The following UACA variants were observed in gnomAD, a reference collection of about 807,000 sequenced individuals.
UACA encodes nuclear membrane binding protein.
In UACA, 112 loss-of-function variants were observed where a neutral mutation model predicts 160.5. That is an observed-to-expected ratio of 0.70 (90% CI 0.60 to 0.82). The LOEUF (loss-of-function observed/expected upper bound fraction) is 0.82. Among genes scored for constraint, UACA ranks in the 40% least tolerant of loss-of-function variants. The probability of loss-of-function intolerance (pLI) is 0.00; values close to 1 mark genes in which losing one functional copy is unlikely to be tolerated. For synonymous variants in UACA, 557 were observed against 568.4 expected (o/e 0.98, Z 0.29); for missense variants, 1,574 against 1,614.6 (o/e 0.97, Z 0.43).
rs1352070146 is a variant in UACA, at chr15:70,763,548, CA to C, written c.-142del. ...CCTGCCACCTGCGGGCCCCGGGCAG[CA>C]GACGTCGACAGGCCTGAGGCGGGGC... On this transcript the variant is annotated 5_prime_UTR_variant, in exon 1 of 19. Coordinates refer to ENST00000322954, the MANE Select transcript of UACA (RefSeq NM_018003.4). The C allele has an allele frequency of 1.6e-6, 2 of 1,242,896 alleles. No individual in the cohort carries two copies. The highest frequency in any genetic ancestry group is 2.0e-6 in the Non-Finnish European group (2 of 990,716). 77.0% of individuals were successfully genotyped at this position (1,242,896 alleles called of 1,614,324 possible).
At chr15:70,767,189 G>A (rs1317318338), upstream of UACA, among the ~76,000 whole-genome samples, 5 of 142,950 alleles carry the variant, frequency 3.5e-5, no homozygotes, top group African/African-American at 5.3e-5. Context: ...GCAGTGAGCC[G>A]AGATGGCGCC....
intron 17 of UACA, among the ~76,000 whole-genome samples, chr15:70,664,450 C>T (rs558930813): frequency 9.2e-5 from 14 of 152,148 alleles, no homozygotes; most frequent in Admixed American, 5.9e-4. Context: ...AGATAAAGTA[C>T]GTAAAATGTT....
chr15:70,716,724 A>T (rs1000219164), intron 1 of UACA, among the ~76,000 whole-genome samples: 4 of 152,158 alleles, frequency 2.6e-5, no homozygotes, highest in African/African-American at 9.7e-5. Context: ...AATATTAATA[A>T]TATTATGCTG....
At chr15:70,665,927 G>C (rs1896887585) in intron 16 of UACA, among the ~76,000 whole-genome samples, 1 of 152,174 alleles carries the variant, frequency 6.6e-6, no homozygotes. Flanking sequence ...CATATCCATA[G>C]TAAAAACTTT....
intron 13 of UACA, 26 bp downstream of exon 13, chr15:70,676,467 C>T: frequency 6.8e-7 from 1 of 1,471,548 alleles, no homozygotes; most frequent in Non-Finnish European, 9.5e-7. Context: ...TTATGAATTA[C>T]AGGAAATAAT....
At chr15:70,676,907 A>G (rs1002218450) in intron 12 of UACA, among the ~76,000 whole-genome samples, 1 of 152,186 alleles carries the variant, frequency 6.6e-6, no homozygotes, top group African/African-American at 2.4e-5. Context: ...TTCAGAGGCA[A>G]TAACAACAAA....
At position 70,654,895 on chromosome 15, in the gene UACA, A is replaced by T. The variant is rs993105354; in HGVS notation, c.*2161T>A. ...AAAAGCTTTGGTCTTCAGTGTTGTA[A>T]ACGCAATTTCTGCCTTCGATATCAA... is the stretch of plus-strand genomic sequence containing the variant. On this transcript the variant is annotated 3_prime_UTR_variant, in exon 19 of 19. Coordinates refer to ENST00000322954, the MANE Select transcript of UACA (RefSeq NM_018003.4). 1.3e-5 allele frequency: 2 copies of T among 152,202 alleles called. No homozygotes were observed. Among genetic ancestry groups the T allele is most frequent in the Admixed American group, 1.3e-4 (2 of 15,288 alleles). 9.4% of individuals were successfully genotyped at this position (152,202 alleles called of 1,614,324 possible).
chr15:70,689,295 G>GCT (rs1897841205), intron 5 of UACA, among the ~76,000 whole-genome samples: 1 of 152,066 alleles, frequency 6.6e-6, no homozygotes, highest in African/African-American at 2.4e-5. Context: ...AGCTGATATT[G>GCT]GAGTTCTTTT....
At chr15:70,708,035 T>C (rs181073209) in intron 1 of UACA, among the ~76,000 whole-genome samples, 3 of 152,326 alleles carry the variant, frequency 2.0e-5, no homozygotes, top group East Asian at 3.9e-4. Context: ...TGTCCATTGA[T>C]GGCTGAATGG....
intron 1 of UACA, among the ~76,000 whole-genome samples, chr15:70,739,980 TA>T (rs796606085): frequency 1.2e-4 from 18 of 152,230 alleles, no homozygotes; most frequent in African/African-American, 4.3e-4. Flanking sequence ...AAAACTGCTG[TA>T]AAAAACAACA....
intron 13 of UACA, among the ~76,000 whole-genome samples, chr15:70,673,595 G>C (rs1897210350): frequency 6.6e-6 from 1 of 152,084 alleles, no homozygotes; most frequent in African/African-American, 2.4e-5. Context: ...TGCACATAAG[G>C]AGTTCAAAAA....
At chr15:70,682,481 G>GA (rs1282132753) in intron 9 of UACA, among the ~76,000 whole-genome samples, 2 of 152,176 alleles carry the variant, frequency 1.3e-5, no homozygotes, top group East Asian at 1.9e-4. Context: ...TCTCCTACTT[G>GA]AAAAAACTGA....
At chr15:70,703,173 G>C (rs1359060109) in intron 1 of UACA, 1 of 1,288,920 alleles carries the variant, frequency 7.8e-7, no homozygotes, top group Non-Finnish European at 1.0e-6. Context: ...TGGTTTTTTT[G>C]TGGTGGCTGT....
At chr15:70,674,889 G>A (rs1450351080) in intron 13 of UACA, among the ~76,000 whole-genome samples, 2 of 152,222 alleles carry the variant, frequency 1.3e-5, no homozygotes. Context: ...GTGAGACACT[G>A]CGCCTGGCCT....
chr15:70,691,454 C>G (rs544342527), intron 3 of UACA, 91 bp from the exon 4 acceptor site: 343 of 917,688 alleles, frequency 3.7e-4, no homozygotes, highest in Non-Finnish European at 3.5e-4. Context: ...TTTCCCAAAA[C>G]TAGTTGACAA....
chr15:70,697,402 T>C (rs1898168358), intron 2 of UACA, among the ~76,000 whole-genome samples: 1 of 152,202 alleles, frequency 6.6e-6, no homozygotes, highest in Non-Finnish European at 1.5e-5. Context: ...CAAGTAGCAA[T>C]GGAATCCTTG....
the UACA span, among the ~76,000 whole-genome samples, chr15:70,772,755 G>C: frequency 6.6e-6 from 1 of 152,224 alleles, no homozygotes; most frequent in African/African-American, 2.4e-5. Flanking sequence ...CATGGAAGAA[G>C]AGGGCCAAGG....
At position 70,667,427 on chromosome 15, in the gene UACA, T is replaced by C; in HGVS notation, c.3257A>G (p.Lys1086Arg). Residue 1086 changes from lysine (K) to arginine (R), a missense_variant, in exon 16 of 19, where the codon AAA becomes AGA. By Grantham distance (26) the Lys-to-Arg change is conservative. Transcript: ENST00000322954. The stretch of plus-strand genomic sequence containing the variant: ...GGCATTTTCTTCTACTAGCTTCTCT[T>C]TCACATTCTTTACTTCCGTGTATTT... ...SQKYTEVKNV[K>R]EKLVEENAKQ... 1 of 1,610,486 alleles carries C rather than the reference T, an allele frequency of 6.2e-7. No individual in the cohort carries two copies. The highest frequency in any genetic ancestry group is 8.5e-7 in the Non-Finnish European group (1 of 1,179,730).
chr15:70,668,149 T>C lies in UACA; in HGVS notation c.2535A>G (p.Thr845=), dbSNP rs1277434255. 9 of 1,613,230 alleles carry C rather than the reference T, an allele frequency of 5.6e-6. No homozygotes were observed. Among genetic ancestry groups the C allele is most frequent in the Non-Finnish European group, 7.6e-6 (9 of 1,179,816 alleles). Residue 845 remains threonine, a synonymous_variant, in exon 16 of 19, where the codon ACA becomes ACG. Transcript: ENST00000322954. The part of the protein sequence containing the change: ...GEDQEKIHAL[T]SENTNLKKMM... ...TCTTCTTCAAGTTAGTGTTTTCAGA[T>C]GTGAGAGCGTGTATTTTCTCCTGGT...
Sources: allele counts gnomAD v4.1 joint callset (sites outside exome capture counted in the v4.1 genomes callset), GRCh38; gene constraint gnomAD v4.1.1; transcripts MANE v1.5; gene names NCBI Gene and HGNC (gene_info 2026-07-23, HGNC 2026-07-21).